PACRG: variants seen among roughly 807,000 people sequenced by gnomAD.
The protein encoded by PACRG is parkin coregulated gene protein.
PACRG carries 29 observed loss-of-function variants against 29.7 expected under a neutral mutation model. That is an observed-to-expected ratio of 0.98 (90% CI 0.73 to 1.33). PACRG has a LOEUF of 1.33. PACRG is among the 40% of genes most tolerant of loss of function. PACRG has a pLI of 0.00. For missense variants in PACRG, 279 were observed against 316.2 expected (o/e 0.88, Z 0.89); for synonymous variants, 116 against 118.7 (o/e 0.98, Z 0.15).
intron 1 of PACRG, among the ~76,000 whole-genome samples, chr6:162,763,024 A>G (rs1309336340): frequency 6.6e-6 from 1 of 152,248 alleles, no homozygotes; most frequent in African/African-American, 2.4e-5. Flanking sequence ...CATGAAATCA[A>G]TTAATGATCC....
At chr6:163,137,478 A>C (rs1372206675) in intron 4 of PACRG, among the ~76,000 whole-genome samples, 2 of 152,186 alleles carry the variant, frequency 1.3e-5, no homozygotes, top group Admixed American at 6.5e-5. Flanking sequence ...CAAAATCCTC[A>C]GAACTCCATC....
intron 4 of PACRG, among the ~76,000 whole-genome samples, chr6:163,311,664 A>G (rs1585420995): frequency 6.6e-6 from 1 of 152,214 alleles, no homozygotes; most frequent in Non-Finnish European, 1.5e-5. Context: ...TTCTACCCCA[A>G]TGATACGCAT....
intron 2 of PACRG, among the ~76,000 whole-genome samples, chr6:162,891,770 A>G (rs1353105675): frequency 3.3e-5 from 5 of 152,162 alleles, no homozygotes; most frequent in Admixed American, 6.5e-5. Flanking sequence ...TGGGTCACTC[A>G]GGTACAAGCC....
intron 2 of PACRG, among the ~76,000 whole-genome samples, chr6:162,972,863 T>TAA (rs138052203): frequency 1.3e-5 from 2 of 152,052 alleles, no homozygotes; most frequent in African/African-American, 4.8e-5. Flanking sequence ...ATGAGAATTC[T>TAA]AAAAAAATGA....
At position 162,795,078 on chromosome 6, in the gene PACRG, G is replaced by A. The variant is rs566865407; in HGVS notation, c.157-19069G>A. 1.2e-4 allele frequency among the ~76,000 whole-genome samples: 18 copies of A among 151,900 alleles called. No homozygotes were observed. In the South Asian group the frequency reaches 1.5e-3, roughly 12 times the overall value. On this transcript the variant is annotated intron_variant, in intron 1 of 4. Transcript: ENST00000366888. ...GACCGAGACACTTAAAAGAGATGAG[G>A]TAATGAAACAGACATCTGGAAGAAC...
At chr6:162,786,564 G>A (rs1374301947) in intron 1 of PACRG, among the ~76,000 whole-genome samples, 1 of 152,178 alleles carries the variant, frequency 6.6e-6, no homozygotes, top group Non-Finnish European at 1.5e-5. Flanking sequence ...CTAGGACCTA[G>A]AGAAGGGTAG....
At chr6:162,987,075 T>C (rs752945420) in intron 2 of PACRG, among the ~76,000 whole-genome samples, 3 of 152,164 alleles carry the variant, frequency 2.0e-5, no homozygotes, top group Non-Finnish European at 4.4e-5. Context: ...TCTGGCCTTT[T>C]GGTGGTGTTA....
intron 2 of PACRG, among the ~76,000 whole-genome samples, chr6:162,865,050 A>C (rs1329279731): frequency 6.6e-6 from 1 of 152,200 alleles, no homozygotes; most frequent in African/African-American, 2.4e-5. Context: ...ATCTTTCACC[A>C]ATTACTAAAT....
chr6:162,946,010 G>A (rs1200368847), intron 2 of PACRG, among the ~76,000 whole-genome samples: 1 of 151,994 alleles, frequency 6.6e-6, no homozygotes, highest in Non-Finnish European at 1.5e-5. Flanking sequence ...TACAGCAAAA[G>A]CACTGTTCAA....
At position 162,981,553 on chromosome 6, in the gene PACRG, T is replaced by G. The variant is rs146882401; in HGVS notation, c.292-80597T>G. 3.8e-3 allele frequency among the ~76,000 whole-genome samples: 577 copies of G among 151,986 alleles called. 6 individuals are homozygous for G. The highest frequency in any genetic ancestry group is 0.014 in the African/African-American group (562 of 41,514). ...TTTGGTTCCATATGAATTTTAGGATTTTTTTTCTAGTTCTGTAAAGAAAGA... is the reference window on the plus strand; with the variant it reads ...TTTGGTTCCATATGAATTTTAGGATGTTTTTTCTAGTTCTGTAAAGAAAGA... On this transcript the variant is annotated intron_variant, in intron 2 of 4. Transcript: ENST00000366888.
At chr6:162,965,128 T>C (rs1800923174) in intron 2 of PACRG, among the ~76,000 whole-genome samples, 1 of 152,188 alleles carries the variant, frequency 6.6e-6, no homozygotes. Flanking sequence ...GCATCAGTGA[T>C]TATACTTTAT....
At chr6:163,076,438 C>T (rs985871692) in intron 3 of PACRG, among the ~76,000 whole-genome samples, 1 of 152,138 alleles carries the variant, frequency 6.6e-6, no homozygotes, top group African/African-American at 2.4e-5. Flanking sequence ...AGTTTACCTG[C>T]TTTCTGCTGC....
chr6:163,104,278 T>A (rs968878966), intron 4 of PACRG, among the ~76,000 whole-genome samples: 2 of 152,248 alleles, frequency 1.3e-5, no homozygotes, highest in African/African-American at 4.8e-5. Context: ...CTAACTTTGT[T>A]CCACTTTTTG....
intron 4 of PACRG, among the ~76,000 whole-genome samples, chr6:163,160,829 C>T (rs2128341930): frequency 6.6e-6 from 1 of 152,310 alleles, no homozygotes; most frequent in South Asian, 2.1e-4. Flanking sequence ...ACCCTCTCTT[C>T]TTGGAGGAAT....
intron 2 of PACRG, among the ~76,000 whole-genome samples, chr6:163,016,814 ATAT>A (rs1432193512): frequency 5.9e-5 from 9 of 152,192 alleles, no homozygotes; most frequent in African/African-American, 2.2e-4. Context: ...TTGGAATTTG[ATAT>A]TATTATAAAT....
At chr6:162,810,008 G>A (rs1316112984) in intron 1 of PACRG, among the ~76,000 whole-genome samples, 1 of 152,140 alleles carries the variant, frequency 6.6e-6, no homozygotes, top group Non-Finnish European at 1.5e-5. Context: ...GGACTGCCTA[G>A]AGAGTCAGGA....
At chr6:162,764,939 T>A (rs566069343) in intron 1 of PACRG, among the ~76,000 whole-genome samples, 68 of 151,980 alleles carry the variant, frequency 4.5e-4, no homozygotes, top group Middle Eastern at 3.4e-3. Context: ...AGAGACGGGG[T>A]TTCACCATGT....
In PACRG at chr6:163,157,363, G is replaced by C. The variant is rs1778368185; in HGVS notation, c.613+67955G>C. ...GTCACCACCTCTGCAAAGCCTCCCA[G>C]GACCCACCCTCCGAGGTGGAACGGC... On this transcript the variant is annotated intron_variant, in intron 4 of 4. Transcript: ENST00000366888. 2.0e-5 allele frequency among the ~76,000 whole-genome samples: 3 copies of C among 152,060 alleles called. No individual in the cohort carries two copies. In the South Asian group the frequency reaches 6.2e-4, roughly 32 times the overall value.
intron 1 of PACRG, among the ~76,000 whole-genome samples, chr6:162,805,009 AT>A: frequency 6.6e-6 from 1 of 152,298 alleles, no homozygotes; most frequent in East Asian, 1.9e-4. Context: ...ATGTTACTGT[AT>A]TGAATGCTGT....
Sources: allele counts gnomAD v4.1 joint callset (sites outside exome capture counted in the v4.1 genomes callset), GRCh38; gene constraint gnomAD v4.1.1; transcripts MANE v1.5; gene names NCBI Gene and HGNC (gene_info 2026-07-23, HGNC 2026-07-21).